Variants in BCL2L13 observed in about 807,000 individuals in gnomAD.
BCL2L13 encodes the protein bcl-2-like protein 13.
In BCL2L13, 13 loss-of-function variants were observed where a neutral mutation model predicts 25.8. The ratio of observed to expected loss-of-function variants is 0.50; its 90% CI spans 0.33 to 0.80. The LOEUF (loss-of-function observed/expected upper bound fraction) is 0.80, where lower values mean the gene tolerates loss of function less well. BCL2L13 is among the 30% of genes least tolerant of loss of function. The pLI, the probability that BCL2L13 is intolerant of heterozygous loss-of-function variation, is 0.02. For missense variants in BCL2L13, 504 were observed against 574.9 expected, an observed-to-expected ratio of 0.88 and a Z score of 1.26; for synonymous variants, 244 against 230.3, an observed-to-expected ratio of 1.06 and a Z score of -0.54.
intron 5 of BCL2L13, among the ~76,000 whole-genome samples, chr22:17,697,805 T>G (rs2060309010): frequency 2.6e-5 from 4 of 152,148 alleles, no homozygotes; most frequent in Non-Finnish European, 4.4e-5. Context: ...CTCTCTGATA[T>G]AGACATTTGA....
At chr22:17,687,818 C>CA (rs1568975234) in intron 3 of BCL2L13, among the ~76,000 whole-genome samples, 1 of 130,710 alleles carries the variant, frequency 7.7e-6, no homozygotes, top group Non-Finnish European at 1.6e-5. Flanking sequence ...CACCCGGCCC[C>CA]TTTTTTTTTT....
intron 1 of BCL2L13, among the ~76,000 whole-genome samples, chr22:17,640,377 A>G (rs531542853): frequency 1.3e-5 from 2 of 151,914 alleles, no homozygotes; most frequent in East Asian, 3.9e-4. Context: ...TTTTTATTTT[A>G]TTTTTAGTTG....
chr22:17,679,158 C>A (rs989284226), intron 2 of BCL2L13, among the ~76,000 whole-genome samples: 3 of 152,026 alleles, frequency 2.0e-5, no homozygotes, highest in Non-Finnish European at 4.4e-5. Flanking sequence ...CTTGACTTCC[C>A]TGAATGCTTC....
intron 4 of BCL2L13, among the ~76,000 whole-genome samples, chr22:17,691,417 C>T (rs1337290482): frequency 1.3e-5 from 2 of 152,136 alleles, no homozygotes; most frequent in Non-Finnish European, 2.9e-5. Flanking sequence ...GAGGCCGAGG[C>T]GGGCGTATCA....
At chr22:17,684,771 T>C (rs1281638111) in intron 3 of BCL2L13, 5 of 353,486 alleles carry the variant, frequency 1.4e-5, no homozygotes, top group East Asian at 8.3e-5. Context: ...TCTGGCTCTT[T>C]GCCCAGGCTG....
At chr22:17,681,671 G>C (rs1447940091) in intron 2 of BCL2L13, among the ~76,000 whole-genome samples, 1 of 152,042 alleles carries the variant, frequency 6.6e-6, no homozygotes, top group Non-Finnish European at 1.5e-5. Context: ...AAAAGCCCAA[G>C]AACAAGAACT....
chr22:17,690,476 A>C (rs369437244), intron 4 of BCL2L13, among the ~76,000 whole-genome samples: 9 of 152,216 alleles, frequency 5.9e-5, no homozygotes, highest in African/African-American at 1.9e-4. Flanking sequence ...AATTATGCTT[A>C]AACAGTGAAA....
intron 2 of BCL2L13, among the ~76,000 whole-genome samples, chr22:17,673,208 A>G (rs2059468702): frequency 6.6e-6 from 1 of 152,140 alleles, no homozygotes; most frequent in Admixed American, 6.6e-5. Flanking sequence ...TATGCAAGTA[A>G]TAGTGGAGGT....
At chr22:17,682,583 A>C (rs988802379) in intron 2 of BCL2L13, among the ~76,000 whole-genome samples, 14 of 152,118 alleles carry the variant, frequency 9.2e-5, no homozygotes, top group Non-Finnish European at 1.9e-4. Flanking sequence ...ACAAAAAGAG[A>C]GGACTGGCCC....
At chr22:17,692,485 T>C (rs2060133030) in intron 4 of BCL2L13, 1 of 152,208 alleles carries the variant, frequency 6.6e-6, no homozygotes, top group Non-Finnish European at 1.5e-5. Context: ...TCAGGGAAAC[T>C]ATAGGTAGGT....
chr22:17,715,216 C>T (rs1381369044), intron 6 of BCL2L13, among the ~76,000 whole-genome samples: 4 of 103,738 alleles, frequency 3.9e-5, no homozygotes, highest in Non-Finnish European at 7.1e-5. Context: ...GGTAGGGTCT[C>T]GGTTACCCAG....
rs766700758 is a variant in BCL2L13, at chr22:17,729,950, A to G, written c.*2416A>G. ...TGCAGCTCCTGCTTTTTGCTCATAC[A>G]TTTAAAAAACTATTTCTCAAGCTTC... On this transcript the variant is annotated 3_prime_UTR_variant, in exon 7 of 7. Coordinates refer to ENST00000317582, the MANE Select transcript of BCL2L13 (RefSeq NM_015367.4). 1.3e-5 allele frequency: 2 copies of G among 152,192 alleles called. No homozygotes were observed. The highest frequency in any genetic ancestry group is 2.4e-5 in the African/African-American group (1 of 41,438). The allele number at this position is 152,192 out of a possible 1,614,324, so 9.4% of individuals were successfully genotyped here. A position where few individuals can be genotyped will look rare whatever the true frequency, so the allele number is the denominator to read the frequency against.
intron 2 of BCL2L13, among the ~76,000 whole-genome samples, chr22:17,669,117 C>T (rs912171155): frequency 6.7e-6 from 1 of 149,538 alleles, no homozygotes; most frequent in Non-Finnish European, 1.5e-5. Context: ...ACTGCAAGCT[C>T]CGCCTCCCAG....
chr22:17,655,845 G>T lies in BCL2L13; in HGVS notation c.121+13G>T. The T allele has an allele frequency of 6.2e-7, 1 of 1,601,570 alleles. No homozygotes were observed. Among genetic ancestry groups the T allele is most frequent in the Non-Finnish European group, 8.5e-7 (1 of 1,175,608 alleles). On this transcript the variant is annotated intron_variant, in intron 2 of 6. Coordinates refer to ENST00000317582, the MANE Select transcript of BCL2L13 (RefSeq NM_015367.4). ...TCCTCACCCCAAGGTATTATCTTTG[G>T]CTTATGGTGGTTATAGTAAATTGTA...
chr22:17,662,820 A>G (rs538890857), intron 2 of BCL2L13, among the ~76,000 whole-genome samples: 1 of 152,300 alleles, frequency 6.6e-6, no homozygotes, highest in South Asian at 2.1e-4. Context: ...CAAAAAAAAT[A>G]AAAATAAAAA....
chr22:17,665,552 C>T (rs1442175650), intron 2 of BCL2L13, among the ~76,000 whole-genome samples: 2 of 152,102 alleles, frequency 1.3e-5, no homozygotes, highest in Admixed American at 1.3e-4. Flanking sequence ...GAAATCACCC[C>T]CATGATTTGT....
chr22:17,686,760 C>T (rs919574540), intron 3 of BCL2L13, among the ~76,000 whole-genome samples: 6 of 152,226 alleles, frequency 3.9e-5, no homozygotes, highest in East Asian at 1.9e-4. Context: ...CTACCCGCCT[C>T]GGCCTCCCAA....
chr22:17,682,926 G>T (rs2059798148), intron 2 of BCL2L13, among the ~76,000 whole-genome samples: 1 of 152,156 alleles, frequency 6.6e-6, no homozygotes, highest in Non-Finnish European at 1.5e-5. Flanking sequence ...AAGGTCAGGA[G>T]TTCGAGACCA....
chr22:17,683,274 C>T lies in BCL2L13; in HGVS notation c.182C>T (p.Thr61Ile). The part of the protein sequence containing the change: ...LDQEILLKVK[T>I]EIEEELKSLD... The stretch of plus-strand genomic sequence containing the variant: ...CAAGAAATTTTATTAAAAGTTAAAA[C>T]TGAAATTGAAGAAGAGCTAAAATCT... The change falls in exon 3 of 7, where the codon ACT (threonine) becomes ATT (isoleucine). Residue 61 changes from threonine (T) to isoleucine (I), a missense_variant. Transcript: ENST00000317582. 1 of 1,593,728 alleles carries T rather than the reference C, an allele frequency of 6.3e-7. No homozygotes were observed. The highest frequency in any genetic ancestry group is 1.4e-5 in the African/African-American group (1 of 74,008).
Sources: gnomAD v4.1 joint callset for allele counts (sites outside exome capture counted in the v4.1 genomes callset) on GRCh38, gnomAD v4.1.1 for gene constraint, MANE v1.5 for transcripts, NCBI Gene and HGNC (gene_info 2026-07-23, HGNC 2026-07-21) for gene names.